Variants in CTNNA3 observed in about 807,000 individuals in gnomAD.
CTNNA3 encodes the protein catenin alpha 3, also known as catenin alpha-3.
Under a neutral mutation model 95.7 loss-of-function variants are expected in CTNNA3, and 76 were observed. The ratio of observed to expected loss-of-function variants is 0.79; its 90% confidence interval spans 0.66 to 0.96. The LOEUF is 0.96. Ranked by LOEUF, CTNNA3 falls within the 40% of genes least tolerant of loss-of-function variation. The pLI is 0.00. For missense variants in CTNNA3, 1,191 were observed against 1,089.8 expected (o/e 1.09, Z -1.31); for synonymous variants, 431 against 374.4 (o/e 1.15, Z -1.74).
chr10:67,230,022 T>A (rs928560353), intron 5 of CTNNA3, among the ~76,000 whole-genome samples: 9 of 152,162 alleles, frequency 5.9e-5, no homozygotes, highest in Non-Finnish European at 2.9e-5. Context: ...AAAGCAAGAC[T>A]AAGCAAAAAG....
intron 5 of CTNNA3, among the ~76,000 whole-genome samples, chr10:67,447,018 T>A (rs879280738): frequency 2.1e-4 from 32 of 152,232 alleles, no homozygotes; most frequent in Non-Finnish European, 1.2e-4. Context: ...GGCAGGAGAA[T>A]GGCGTGAACC....
intron 5 of CTNNA3, among the ~76,000 whole-genome samples, chr10:67,464,694 C>CA (rs1370405864): frequency 6.6e-6 from 1 of 151,664 alleles, no homozygotes; most frequent in East Asian, 1.9e-4. Flanking sequence ...GGCCTTTTAA[C>CA]AAAAAAGGAG....
At chr10:67,297,055 G>A (rs1360706684) in intron 5 of CTNNA3, among the ~76,000 whole-genome samples, 1 of 148,508 alleles carries the variant, frequency 6.7e-6, no homozygotes, top group African/African-American at 2.5e-5. Flanking sequence ...CCATATTGTT[G>A]AGCTTTGTAT....
chr10:67,655,621 C>A (rs940767204), intron 1 of CTNNA3, among the ~76,000 whole-genome samples: 17 of 151,848 alleles, frequency 1.1e-4, no homozygotes, highest in African/African-American at 3.4e-4. Flanking sequence ...ATGGTGAAAC[C>A]CCATCTCTAC....
At chr10:66,636,423 A>T (rs1446963006) in intron 9 of CTNNA3, among the ~76,000 whole-genome samples, 1 of 151,998 alleles carries the variant, frequency 6.6e-6, no homozygotes, top group Non-Finnish European at 1.5e-5. Flanking sequence ...ATTTTTTTAA[A>T]TATATATTAT....
intron 2 of CTNNA3, among the ~76,000 whole-genome samples, chr10:67,613,880 G>C (rs531278059): frequency 6.6e-6 from 1 of 152,274 alleles, no homozygotes; most frequent in African/African-American, 2.4e-5. Flanking sequence ...AGACGTTTTT[G>C]TGCCCGGAGT....
intron 11 of CTNNA3, among the ~76,000 whole-genome samples, chr10:66,423,245 A>C (rs1589228175): frequency 6.6e-6 from 1 of 152,262 alleles, no homozygotes; most frequent in South Asian, 2.1e-4. Flanking sequence ...ATATATGTTT[A>C]TATGTGAAGC....
chr10:67,298,414 T>TCA (rs746493029), intron 5 of CTNNA3, among the ~76,000 whole-genome samples: 3 of 152,218 alleles, frequency 2.0e-5, no homozygotes, highest in Non-Finnish European at 4.4e-5. Context: ...TGCTTTAGTG[T>TCA]CACTCTAATC....
intron 7 of CTNNA3, among the ~76,000 whole-genome samples, chr10:67,087,154 T>C (rs1469847188): frequency 6.6e-6 from 1 of 152,144 alleles, no homozygotes; most frequent in East Asian, 1.9e-4. Flanking sequence ...AAGATTTACA[T>C]GTAAATGAAC....
intron 13 of CTNNA3, among the ~76,000 whole-genome samples, chr10:66,190,386 T>C (rs1216863227): frequency 6.6e-6 from 1 of 152,092 alleles, no homozygotes; most frequent in Non-Finnish European, 1.5e-5. Context: ...GAAACGAAAG[T>C]GTGTGTCTGT....
chr10:66,989,968 A>G (rs1850954322), intron 7 of CTNNA3, among the ~76,000 whole-genome samples: 1 of 152,182 alleles, frequency 6.6e-6, no homozygotes. Context: ...AGCCACCTCA[A>G]TATCTTAGTT....
At chr10:67,585,503 A>G (rs1405969676) in intron 3 of CTNNA3, among the ~76,000 whole-genome samples, 1 of 152,036 alleles carries the variant, frequency 6.6e-6, no homozygotes, top group East Asian at 1.9e-4. Context: ...TACTAATTCA[A>G]TATTGCTACT....
chr10:66,227,816 T>C (rs755587958), intron 13 of CTNNA3, among the ~76,000 whole-genome samples: 5 of 152,254 alleles, frequency 3.3e-5, no homozygotes, highest in South Asian at 2.1e-4. Flanking sequence ...GCTGTTGTTA[T>C]TGGGAGATTT....
At chr10:66,587,819 T>C (rs997240686) in intron 10 of CTNNA3, among the ~76,000 whole-genome samples, 1 of 152,172 alleles carries the variant, frequency 6.6e-6, no homozygotes, top group Admixed American at 6.5e-5. Flanking sequence ...GCCGTCCCAG[T>C]GGAGACCAGT....
chr10:66,950,706 T>C (rs1449837119), intron 7 of CTNNA3, among the ~76,000 whole-genome samples: 1 of 152,204 alleles, frequency 6.6e-6, no homozygotes, highest in Non-Finnish European at 1.5e-5. Context: ...TCCTGAATTA[T>C]AAGCAACCTT....
chr10:66,936,637 G>A (rs780600000), intron 7 of CTNNA3, among the ~76,000 whole-genome samples: 31 of 152,098 alleles, frequency 2.0e-4, no homozygotes, highest in Non-Finnish European at 3.7e-4. Flanking sequence ...CGGACAGATG[G>A]ACTAGATTGA....
chr10:66,767,911 T>A (rs1403001591), intron 8 of CTNNA3, among the ~76,000 whole-genome samples: 3 of 152,234 alleles, frequency 2.0e-5, no homozygotes. Context: ...CTGCTTAGTA[T>A]GCAGAAAGGC....
intron 5 of CTNNA3, among the ~76,000 whole-genome samples, chr10:67,422,362 A>G (rs1187884937): frequency 2.6e-5 from 4 of 152,224 alleles, no homozygotes; most frequent in African/African-American, 4.8e-5. Flanking sequence ...CAAAAAGTCC[A>G]GAAGGAAGAG....
At chr10:67,459,133 A>G (rs1176718510) in intron 5 of CTNNA3, among the ~76,000 whole-genome samples, 1 of 152,212 alleles carries the variant, frequency 6.6e-6, no homozygotes, top group Non-Finnish European at 1.5e-5. Context: ...CATGTTCAAT[A>G]TATACCTACA....
Sources: allele counts gnomAD v4.1 joint callset (sites outside exome capture counted in the v4.1 genomes callset), GRCh38; gene constraint gnomAD v4.1.1; transcripts MANE v1.5; gene names NCBI Gene and HGNC (gene_info 2026-07-23, HGNC 2026-07-21).